Variants in ADCY3 observed in about 807,000 individuals in gnomAD.
The protein encoded by ADCY3 is adenylate cyclase type 3.
In ADCY3, 70 loss-of-function variants were observed where a neutral mutation model predicts 119.4. The ratio of observed to expected loss-of-function variants is 0.59; its 90% CI spans 0.48 to 0.72. The LOEUF is 0.72. Ranked by LOEUF, ADCY3 falls within the 30% of genes least tolerant of loss-of-function variation. ADCY3 has a pLI of 0.00. For synonymous variants in ADCY3, 672 were observed against 621.4 expected (o/e 1.08, Z -1.21); for missense variants, 1,238 against 1,541.6 (o/e 0.80, Z 3.30).
At chr2:24,886,807 G>A (rs188934814) in intron 2 of ADCY3, among the ~76,000 whole-genome samples, 77 of 152,368 alleles carry the variant, frequency 5.1e-4, no homozygotes, top group Admixed American at 9.1e-4. Flanking sequence ...GGGAAGCCCA[G>A]CTGGCAAGGA....
intron 3 of ADCY3, among the ~76,000 whole-genome samples, chr2:24,870,362 A>T (rs911102491): frequency 2.0e-5 from 3 of 151,796 alleles, no homozygotes; most frequent in Non-Finnish European, 4.4e-5. Flanking sequence ...AAATCTCTCA[A>T]AAGTTTTACA....
chr2:24,877,982 G>A (rs992042054), intron 2 of ADCY3: 3 of 471,098 alleles, frequency 6.4e-6, no homozygotes, highest in African/African-American at 4.0e-5. Flanking sequence ...TTCTTGCCCC[G>A]TGGTCCCCTT....
chr2:24,913,245 C>T (rs76608116), intron 2 of ADCY3, among the ~76,000 whole-genome samples: 6 of 152,236 alleles, frequency 3.9e-5, no homozygotes, highest in African/African-American at 1.4e-4. Context: ...CAGCTCCTGT[C>T]CCGATTCAGC....
intron 16 of ADCY3, chr2:24,825,790 C>T: frequency 1.9e-6 from 1 of 528,408 alleles, no homozygotes; most frequent in Non-Finnish European, 3.4e-6. Flanking sequence ...TCACTCTATC[C>T]CCTCCCACCT....
intron 11 of ADCY3, 53 bp from the exon 12 acceptor site, chr2:24,831,802 G>A: frequency 1.6e-6 from 2 of 1,253,814 alleles, no homozygotes; most frequent in Middle Eastern, 2.7e-4. Flanking sequence ...GTGAGATGGG[G>A]TGAGGGGCTA....
Position 24,822,521 on chromosome 2 carries a change from C to A in ADCY3, c.2993G>T (p.Ser998Ile). The A allele has an allele frequency of 6.2e-7, 1 of 1,613,676 alleles. No homozygotes were observed. Among genetic ancestry groups the A allele is most frequent in the Non-Finnish European group, 8.5e-7 (1 of 1,179,656 alleles). Residue 998 changes from serine (S) to isoleucine (I), a missense_variant, in exon 19 of 22, where the codon AGC (serine) becomes ATC (isoleucine). Ser to Ile is a moderately radical substitution (Grantham distance 142, BLOSUM62 -2). This residue lies in a region of ADCY3 where 63 missense variants were observed against 62.8 expected (regional missense o/e 1.00). Coordinates refer to ENST00000679454, the MANE Select transcript of ADCY3 (RefSeq NM_004036.5). ...ACTGGGGTTAGCTACCTTGTTGGAG[C>A]TGGCAAAGCCATTGGTGTTGACATC... ...TPDVNTNGFA[S>I]SNKEDKSERE...
At chr2:24,863,708 T>C (rs1241728575) in intron 3 of ADCY3, among the ~76,000 whole-genome samples, 2 of 152,208 alleles carry the variant, frequency 1.3e-5, no homozygotes, top group Non-Finnish European at 2.9e-5. Flanking sequence ...TCTTTATAAT[T>C]GTATATTCTT....
chr2:24,836,913 A>G lies in ADCY3; in HGVS notation c.1662+4T>C. On this transcript the variant is annotated splice_donor_region_variant and intron_variant, in intron 9 of 21. Coordinates refer to ENST00000679454, the MANE Select transcript of ADCY3 (RefSeq NM_004036.5). Reference sequence around the variant, plus strand: ...TGACCCCCTGCCCTGAGCCCTGCACATACCTGGGCATCCTGCTCCTCGGGC... The same window carrying G: ...TGACCCCCTGCCCTGAGCCCTGCACGTACCTGGGCATCCTGCTCCTCGGGC... 2 of 1,611,144 alleles carry G rather than the reference A, an allele frequency of 1.2e-6. No homozygotes were observed. The highest frequency in any genetic ancestry group is 2.0e-4 in the Middle Eastern group (1 of 4,936).
chr2:24,833,710 A>G (rs975438472), intron 11 of ADCY3, among the ~76,000 whole-genome samples: 2 of 148,028 alleles, frequency 1.4e-5, no homozygotes, highest in South Asian at 4.2e-4. Context: ...CAACCAATCA[A>G]TACTTATGGA....
chr2:24,842,970 G>A lies in ADCY3; in HGVS notation c.826-586C>T, dbSNP rs761516223. Among the ~76,000 whole-genome samples, 9 of 152,346 alleles carry A rather than the reference G, an allele frequency of 5.9e-5. No homozygotes were observed. Among genetic ancestry groups the A allele is most frequent in the Middle Eastern group, 6.8e-3 (2 of 294 alleles). ...CAGAAAGGAGAGAGCAGAGGACGGC[G>A]CAAGAGAGAAGCAGGGGCCAAGGTC... On this transcript the variant is annotated intron_variant, in intron 3 of 21. Coordinates refer to ENST00000679454, the MANE Select transcript of ADCY3 (RefSeq NM_004036.5). This position sits in a 1 kb window ranked among gnomAD's most constrained non-coding sequence, Gnocchi z 4.9.
At chr2:24,879,389 C>G (rs1396965822) in intron 2 of ADCY3, among the ~76,000 whole-genome samples, 1 of 142,928 alleles carries the variant, frequency 7.0e-6, no homozygotes, top group South Asian at 2.2e-4. Flanking sequence ...GGAGGCGGAG[C>G]TTGCAGTGAG....
intron 2 of ADCY3, among the ~76,000 whole-genome samples, chr2:24,908,893 C>A (rs1168892732): frequency 3.0e-5 from 3 of 100,238 alleles, no homozygotes; most frequent in Admixed American, 1.8e-4. Context: ...ATGCTGAGGG[C>A]CCCCCCGACA....
intron 2 of ADCY3, among the ~76,000 whole-genome samples, chr2:24,887,456 G>A (rs1350789843): frequency 6.6e-6 from 1 of 152,176 alleles, no homozygotes; most frequent in African/African-American, 2.4e-5. Flanking sequence ...TGCACCTGGG[G>A]GGATTTTCAC....
rs754281300 is a variant in ADCY3 at position 24,878,848 on chromosome 2, C to G, written c.676-6129G>C. Among the ~76,000 whole-genome samples the G allele has an allele frequency of 5.9e-5, 9 of 152,206 alleles. No individual in the cohort carries two copies. The highest frequency in any genetic ancestry group is 3.9e-4 in the East Asian group (2 of 5,182). ...CCTCAGAGGCCTTCCCTGCCCACCC[C>G]TACTCATTCTCCAGTCCTGCTTTGA... On this transcript the variant is annotated intron_variant, in intron 2 of 21. Coordinates refer to ENST00000679454, the MANE Select transcript of ADCY3 (RefSeq NM_004036.5). The surrounding 1 kb of genome is among the most constrained non-coding windows in gnomAD (Gnocchi z 4.0).
intron 9 of ADCY3, 143 bp from the exon 10 acceptor site, chr2:24,835,079 G>A (rs1330118372): frequency 2.4e-5 from 28 of 1,170,820 alleles, no homozygotes; most frequent in Middle Eastern, 2.8e-4. Flanking sequence ...ATCCCTTTCC[G>A]GGAAGTCTTC....
Position 24,872,751 on chromosome 2 carries a change from AG to A in ADCY3, c.676-33del. 1 of 1,603,080 alleles carries A rather than the reference AG, an allele frequency of 6.2e-7. No individual in the cohort carries two copies. Among genetic ancestry groups the A allele is most frequent in the East Asian group, 2.2e-5 (1 of 44,558 alleles). On this transcript the variant is annotated intron_variant, in intron 2 of 21. Transcript: ENST00000679454. This position sits in a 1 kb window ranked among gnomAD's most constrained non-coding sequence, Gnocchi z 4.4. ...CCCAAGGAAGAAGAGAGAAAAGGCCAGGGGTGAAGGCACGTCTTCAGAAAAG... is the reference window on the plus strand; with the variant it reads ...CCCAAGGAAGAAGAGAGAAAAGGCCAGGGTGAAGGCACGTCTTCAGAAAAG...
intron 2 of ADCY3, among the ~76,000 whole-genome samples, chr2:24,900,344 CAA>C (rs112576208): frequency 7.1e-5 from 5 of 70,694 alleles, no homozygotes; most frequent in Non-Finnish European, 9.0e-5. Context: ...GACTCTGTCT[CAA>C]AAAAAAAAAA....
chr2:24,912,033 G>A (rs886705826), intron 2 of ADCY3, among the ~76,000 whole-genome samples: 1 of 152,212 alleles, frequency 6.6e-6, no homozygotes, highest in Non-Finnish European at 1.5e-5. Flanking sequence ...GCACTAAACT[G>A]TAACAGAGCA....
chr2:24,825,787 A>G (rs1668536685), intron 16 of ADCY3: 3 of 522,468 alleles, frequency 5.7e-6, no homozygotes, highest in Admixed American at 6.6e-5. Flanking sequence ...CCTTCACTCT[A>G]TCCCCTCCCA....
Sources: allele counts gnomAD v4.1 joint callset (sites outside exome capture counted in the v4.1 genomes callset), GRCh38; gene constraint gnomAD v4.1.1; regional missense constraint gnomAD v4.1.1; non-coding constraint Gnocchi (gnomAD v3.1); transcripts MANE v1.5; gene names NCBI Gene and HGNC (gene_info 2026-07-23, HGNC 2026-07-21).